Variants in HELZ observed in about 807,000 individuals in gnomAD.
The protein encoded by HELZ is ATP-dependent RNA helicase with zinc finger domain.
HELZ carries 23 observed loss-of-function variants against 218.2 expected under a neutral mutation model. That is an observed-to-expected ratio of 0.11 (90% CI 0.08 to 0.15). HELZ has a LOEUF of 0.15. Among genes scored for constraint, HELZ ranks in the 10% least tolerant of loss-of-function variants. The probability of loss-of-function intolerance (pLI) is 1.00; values close to 1 mark genes in which losing one functional copy is unlikely to be tolerated. For synonymous variants in HELZ, 814 were observed against 829.4 expected, an observed-to-expected ratio of 0.98 and a Z score of 0.32; for missense variants, 1,813 against 2,353.7, an observed-to-expected ratio of 0.77 and a Z score of 4.75.
intron 7 of HELZ, among the ~76,000 whole-genome samples, chr17:67,199,171 TATTAGGTTGGTGCAAAAGTA>T (rs1373087511): frequency 2.0e-5 from 3 of 151,566 alleles, no homozygotes; most frequent in Non-Finnish European, 4.4e-5. Context: ...ACATATACAC[TATTAGGTTGGTGCAAAAGTA>T]ATTGCGATTT....
At chr17:67,163,306 TAAG>T (rs2039042221) in intron 15 of HELZ, among the ~76,000 whole-genome samples, 1 of 152,210 alleles carries the variant, frequency 6.6e-6, no homozygotes, top group Non-Finnish European at 1.5e-5. Flanking sequence ...TTAATGAACT[TAAG>T]AATGAGACAG....
intron 7 of HELZ, among the ~76,000 whole-genome samples, chr17:67,197,716 G>A (rs543537260): frequency 8.3e-4 from 126 of 152,232 alleles, no homozygotes; most frequent in Non-Finnish European, 1.4e-3. Context: ...GAATGCTAAC[G>A]GGTCATAACT....
chr17:67,244,954 C>G (rs2041438380), intron 1 of HELZ, 194 bp downstream of exon 1: 1 of 985,724 alleles, frequency 1.0e-6, no homozygotes, highest in Admixed American at 6.1e-5. Flanking sequence ...TGTAAACAGC[C>G]CCAGCGTCCG....
At chr17:67,212,906 C>G (rs572816086) in intron 5 of HELZ, among the ~76,000 whole-genome samples, 1 of 152,288 alleles carries the variant, frequency 6.6e-6, no homozygotes, top group Admixed American at 6.5e-5. Context: ...GCATTCCATT[C>G]CATACTCCAC....
intron 17 of HELZ, among the ~76,000 whole-genome samples, chr17:67,158,882 C>A (rs1404218597): frequency 6.6e-6 from 1 of 152,106 alleles, no homozygotes; most frequent in Non-Finnish European, 1.5e-5. Context: ...ATTTAGTGTT[C>A]ATCAGCAACA....
chr17:67,175,459 A>T (rs577710496), intron 13 of HELZ, among the ~76,000 whole-genome samples: 1 of 152,342 alleles, frequency 6.6e-6, no homozygotes, highest in South Asian at 2.1e-4. Flanking sequence ...TAAAATGCAT[A>T]TAAATATTAA....
rs2036413512 is a variant in HELZ, at chr17:67,086,975, T to G, written c.5348A>C (p.Gln1783Pro). Residue 1783 changes from glutamine to proline, a missense_variant, in exon 32 of 33, where the codon CAG becomes CCG. This residue lies in a region of HELZ where 938 missense variants were observed against 1,027.5 expected (regional missense o/e 0.91). Coordinates refer to ENST00000358691, the MANE Select transcript of HELZ (RefSeq NM_014877.4). Reference sequence around the variant, plus strand: ...ACTGTGGTCCTGAAGCTCTTTACACTGAGCCAGACTGTCTTGAGGAGTGCT... The same window carrying G: ...ACTGTGGTCCTGAAGCTCTTTACACGGAGCCAGACTGTCTTGAGGAGTGCT... ...EVSTPQDSLAQCKELQDHSNQ... is the reference protein window; with the variant it reads ...EVSTPQDSLAPCKELQDHSNQ... 1.9e-6 allele frequency: 3 copies of G among 1,613,948 alleles called. No individual in the cohort carries two copies. In the Admixed American group the frequency reaches 5.0e-5, roughly 27 times the overall value.
intron 1 of HELZ, chr17:67,244,716 AG>A (rs1165133610): frequency 4.1e-6 from 4 of 983,828 alleles, no homozygotes; most frequent in South Asian, 4.7e-5. Context: ...CCGAGGCCTG[AG>A]GGGGGGCATC....
At chr17:67,241,919 C>T (rs1242315107) in intron 2 of HELZ, among the ~76,000 whole-genome samples, 3 of 152,192 alleles carry the variant, frequency 2.0e-5, no homozygotes, top group South Asian at 2.1e-4. Context: ...CCACTAACTT[C>T]GCTTTGAAAT....
At chr17:67,091,570 G>A (rs1295994571) in intron 31 of HELZ, among the ~76,000 whole-genome samples, 2 of 152,052 alleles carry the variant, frequency 1.3e-5, no homozygotes, top group Non-Finnish European at 2.9e-5. Flanking sequence ...AAATTTTAAC[G>A]TCAATAGATC....
intron 1 of HELZ, chr17:67,244,803 G>C (rs1045775692): frequency 8.1e-6 from 8 of 985,244 alleles, no homozygotes; most frequent in African/African-American, 7.0e-5. Context: ...CGGGAGGCTC[G>C]AGTCCCCCTC....
At chr17:67,112,817 T>C (rs1320843915) in intron 28 of HELZ, among the ~76,000 whole-genome samples, 1 of 152,086 alleles carries the variant, frequency 6.6e-6, no homozygotes, top group East Asian at 1.9e-4. Context: ...AGACAGATGC[T>C]TGGGGAGGCT....
intron 17 of HELZ, among the ~76,000 whole-genome samples, chr17:67,156,303 G>A (rs925899367): frequency 6.6e-6 from 1 of 151,904 alleles, no homozygotes; most frequent in African/African-American, 2.4e-5. Context: ...TCACTTACAG[G>A]TGGCTTTTTA....
intron 25 of HELZ, 79 bp downstream of exon 25, chr17:67,123,884 C>T: frequency 1.1e-6 from 1 of 901,824 alleles, no homozygotes; most frequent in Non-Finnish European, 1.9e-6. Context: ...TCCCCACCCT[C>T]CTCTTTCTTG....
chr17:67,182,280 A>G (rs981943213), intron 12 of HELZ, among the ~76,000 whole-genome samples: 1 of 152,048 alleles, frequency 6.6e-6, no homozygotes, highest in Non-Finnish European at 1.5e-5. Context: ...CATCTCTACT[A>G]AAAATACAAA....
At chr17:67,088,380 A>G (rs1598188077) in intron 31 of HELZ, among the ~76,000 whole-genome samples, 1 of 152,388 alleles carries the variant, frequency 6.6e-6, no homozygotes, top group African/African-American at 2.4e-5. Context: ...CAGAGAGATG[A>G]ACTGGCATAA....
chr17:67,078,325 G>C lies in HELZ; in HGVS notation c.5756C>G (p.Pro1919Arg). The C allele has an allele frequency of 6.2e-7, 1 of 1,614,112 alleles. No homozygotes were observed. The highest frequency in any genetic ancestry group is 8.5e-7 in the Non-Finnish European group (1 of 1,179,990). ...PPEQAKKSSDPLSLFQELSLG... is the reference protein window; with the variant it reads ...PPEQAKKSSDRLSLFQELSLG... ...GCTCAGTTCCTGGAAGAGAGACAGA[G>C]GGTCGCTACTCTTCTTGGCCTGCTC... The change falls in exon 33 of 33, where the codon CCT (proline) becomes CGT (arginine). Residue 1919 changes from proline (P) to arginine (R), a missense_variant. This residue lies in a region of HELZ where 938 missense variants were observed against 1,027.5 expected (regional missense o/e 0.91). Transcript: ENST00000358691.
Position 67,109,241 on chromosome 17 carries a change from G to C in HELZ, c.4364C>G (p.Pro1455Arg), listed in dbSNP as rs1460900256. Residue 1455 changes from proline to arginine, a missense_variant, in exon 29 of 33, where the codon CCT (proline) becomes CGT (arginine). Around this residue, in one of 4 missense-constraint regions of HELZ, gnomAD observed 938 missense variants for 1,027.5 expected, o/e 0.91. Transcript: ENST00000358691. ...AEAVIPEQQP[P>R]PMLQEGHSPL... ...ACTGTGGCCTTCTTGCAGCATGGGAGGGGGCTGCTGCTCCGGAATTACAGC... is the reference window on the plus strand; with the variant it reads ...ACTGTGGCCTTCTTGCAGCATGGGACGGGGCTGCTGCTCCGGAATTACAGC... 1 of 1,614,152 alleles carries C rather than the reference G, an allele frequency of 6.2e-7. No homozygotes were observed. Among genetic ancestry groups the C allele is most frequent in the Non-Finnish European group, 8.5e-7 (1 of 1,180,022 alleles).
chr17:67,148,159 C>A (rs968586053), intron 20 of HELZ, among the ~76,000 whole-genome samples: 5 of 152,168 alleles, frequency 3.3e-5, no homozygotes, highest in African/African-American at 1.2e-4. Flanking sequence ...GGGGGGCAGT[C>A]TTCTAAGCCC....
Sources: allele counts gnomAD v4.1 joint callset (sites outside exome capture counted in the v4.1 genomes callset), GRCh38; gene constraint gnomAD v4.1.1; regional missense constraint gnomAD v4.1.1; transcripts MANE v1.5; gene names NCBI Gene and HGNC (gene_info 2026-07-23, HGNC 2026-07-21).